ADGRL2: variants seen among roughly 807,000 people sequenced by gnomAD.
The protein encoded by ADGRL2 is adhesion G protein-coupled receptor L2, also known as calcium-independent alpha-latrotoxin receptor 2.
ADGRL2 carries 44 observed loss-of-function variants against 157.4 expected under a neutral mutation model. The observed-to-expected ratio is 0.28, with a 90% CI of 0.22 to 0.36. ADGRL2 has a LOEUF of 0.36. ADGRL2 is among the 10% of genes least tolerant of loss of function. ADGRL2 has a pLI of 1.00. For synonymous variants in ADGRL2, 585 were observed against 624.7 expected (o/e 0.94, Z 0.95); for missense variants, 1,510 against 1,768.9 (o/e 0.85, Z 2.63).
chr1:81,649,300 T>G (rs1408864725), intron 3 of ADGRL2, among the ~76,000 whole-genome samples: 3 of 152,200 alleles, frequency 2.0e-5, no homozygotes, highest in African/African-American at 7.2e-5. Context: ...CAGGAGATCT[T>G]AAGTGAGATT....
At chr1:81,725,147 G>C (rs1398542292) in intron 1 of ADGRL2, among the ~76,000 whole-genome samples, 1 of 149,496 alleles carries the variant, frequency 6.7e-6, no homozygotes. Flanking sequence ...GGAGGTTGCA[G>C]TGAGCCGAGA....
intron 1 of ADGRL2, among the ~76,000 whole-genome samples, chr1:81,720,179 C>CTTTTTTTTTTTTTTTTTTTTTTTT (rs370916970): frequency 7.2e-6 from 1 of 138,888 alleles, no homozygotes; most frequent in Non-Finnish European, 1.6e-5. Context: ...TCCTTTTTTT[C>CTTTTTTTTTTTTTTTTTTTTTTTT]TTTTCTTTTT....
intron 2 of ADGRL2, among the ~76,000 whole-genome samples, chr1:81,572,935 G>A (rs1050024259): frequency 6.7e-6 from 1 of 150,096 alleles, no homozygotes; most frequent in African/African-American, 2.5e-5. Context: ...AATGTTTATG[G>A]GAACGTAGTT....
chr1:81,850,052 C>T (rs1324862598), intron 2 of ADGRL2, among the ~76,000 whole-genome samples: 7 of 151,874 alleles, frequency 4.6e-5, no homozygotes, highest in Admixed American at 1.3e-4. Flanking sequence ...TGCCGAAATA[C>T]TCCTCCCCAC....
At chr1:81,638,718 A>G (rs1369591717) in intron 3 of ADGRL2, among the ~76,000 whole-genome samples, 4 of 152,234 alleles carry the variant, frequency 2.6e-5, no homozygotes, top group Non-Finnish European at 4.4e-5. Context: ...AAATGGAATC[A>G]TAAAAATTAT....
intron 1 of ADGRL2, among the ~76,000 whole-genome samples, chr1:81,370,470 A>G (rs755887443): frequency 3.6e-4 from 55 of 152,164 alleles, no homozygotes; most frequent in Non-Finnish European, 5.9e-5. Context: ...AAGGTGATTT[A>G]TTAAAACCAT....
chr1:81,989,661 T>C (rs1226630971), intron 23 of ADGRL2: 1 of 1,610,646 alleles, frequency 6.2e-7, no homozygotes, highest in Admixed American at 1.7e-5. Flanking sequence ...TATCAGCTAC[T>C]CTTAGGCCAG....
intron 1 of ADGRL2, among the ~76,000 whole-genome samples, chr1:81,805,992 G>C (rs2089080941): frequency 6.6e-6 from 1 of 152,014 alleles, no homozygotes; most frequent in Admixed American, 6.6e-5. Context: ...GGACTACTTA[G>C]GGAAAAATTA....
intron 1 of ADGRL2, chr1:81,734,948 G>A (rs983507140): frequency 2.8e-5 from 4 of 142,506 alleles, no homozygotes; most frequent in Admixed American, 7.0e-5. Context: ...CAGGAGAATC[G>A]CTTAAACCCG....
intron 1 of ADGRL2, among the ~76,000 whole-genome samples, chr1:81,702,867 T>C (rs2083617780): frequency 6.6e-6 from 1 of 152,158 alleles, no homozygotes; most frequent in African/African-American, 2.4e-5. Flanking sequence ...AGTAATTTCA[T>C]GAAGCTACTA....
chr1:81,678,752 A>C (rs934820664), intron 3 of ADGRL2, among the ~76,000 whole-genome samples: 2 of 152,068 alleles, frequency 1.3e-5, no homozygotes, highest in African/African-American at 4.8e-5. Flanking sequence ...TCTCTTCAGG[A>C]TGCTGTGAAT....
At chr1:81,793,652 C>G (rs1003369266) in intron 2 of ADGRL2, among the ~76,000 whole-genome samples, 2 of 151,938 alleles carry the variant, frequency 1.3e-5, no homozygotes, top group African/African-American at 4.8e-5. Flanking sequence ...AATATTCAAT[C>G]TAGTATCTAT....
chr1:81,985,421 ATAATG>A (rs1442710669), intron 21 of ADGRL2, 66 bp downstream of exon 21: 8 of 799,798 alleles, frequency 1.0e-5, no homozygotes, highest in Non-Finnish European at 1.7e-5. Flanking sequence ...CTTTTATTCA[ATAATG>A]TAATGTAAGA....
At chr1:81,405,257 A>T (rs1259498853) in intron 1 of ADGRL2, among the ~76,000 whole-genome samples, 2 of 152,182 alleles carry the variant, frequency 1.3e-5, no homozygotes, top group Non-Finnish European at 2.9e-5. Context: ...AACATCACAC[A>T]CAAAAAATGG....
At chr1:81,327,126 T>C (rs1280131137) in intron 1 of ADGRL2, among the ~76,000 whole-genome samples, 1 of 152,176 alleles carries the variant, frequency 6.6e-6, no homozygotes, top group Non-Finnish European at 1.5e-5. Flanking sequence ...CCTCCTTCTT[T>C]ATCTGAGAGT....
At chr1:81,440,073 C>T (rs2077479682) in intron 1 of ADGRL2, among the ~76,000 whole-genome samples, 1 of 152,164 alleles carries the variant, frequency 6.6e-6, no homozygotes, top group Admixed American at 6.5e-5. Flanking sequence ...AAAGCAAAGA[C>T]ACCACTCAAA....
chr1:81,655,982 G>A (rs1203316548), intron 3 of ADGRL2, among the ~76,000 whole-genome samples: 1 of 152,168 alleles, frequency 6.6e-6, no homozygotes, highest in Non-Finnish European at 1.5e-5. Context: ...AAGGCTGAAT[G>A]GGTGAATCTC....
chr1:81,937,706 T>C (rs1430275653), intron 4 of ADGRL2, among the ~76,000 whole-genome samples: 1 of 151,824 alleles, frequency 6.6e-6, no homozygotes, highest in Admixed American at 6.6e-5. Flanking sequence ...GTTTGAATTA[T>C]ATGTTTTTTA....
intron 1 of ADGRL2, among the ~76,000 whole-genome samples, chr1:81,434,246 G>T (rs923705567): frequency 1.3e-5 from 2 of 152,302 alleles, no homozygotes; most frequent in African/African-American, 4.8e-5. Flanking sequence ...AGTTTTGTGA[G>T]AATTAAGCAA....
Sources: allele counts gnomAD v4.1 joint callset (sites outside exome capture counted in the v4.1 genomes callset), GRCh38; gene constraint gnomAD v4.1.1; transcripts MANE v1.5; gene names NCBI Gene and HGNC (gene_info 2026-07-23, HGNC 2026-07-21).